PIK3C3: variants seen among roughly 807,000 people sequenced by gnomAD.
PIK3C3 encodes phosphatidylinositol 3-kinase catalytic subunit type 3, also known as PI3-kinase type 3.
A neutral mutation model predicts 126.1 loss-of-function variants in PIK3C3; 95 were observed. The ratio of observed to expected loss-of-function variants is 0.75; its 90% CI spans 0.64 to 0.89. PIK3C3 has a LOEUF of 0.89. PIK3C3 is among the 40% of genes least tolerant of loss of function. The pLI, the probability that PIK3C3 is intolerant of heterozygous loss-of-function variation, is 0.00. For synonymous variants in PIK3C3, 374 were observed against 360.0 expected, an observed-to-expected ratio of 1.04 and a Z score of -0.44; for missense variants, 829 against 1,063.2, an observed-to-expected ratio of 0.78 and a Z score of 3.06.
At chr18:42,071,286 G>A (rs373770473) in intron 24 of PIK3C3, among the ~76,000 whole-genome samples, 1 of 151,960 alleles carries the variant, frequency 6.6e-6, no homozygotes, top group East Asian at 1.9e-4. Context: ...ACAGTGTTTG[G>A]GACAATAACA....
At chr18:42,080,058 G>A (rs577714184) in intron 24 of PIK3C3, among the ~76,000 whole-genome samples, 2 of 150,238 alleles carry the variant, frequency 1.3e-5, no homozygotes, top group African/African-American at 4.9e-5. Context: ...TTTGGTCCTC[G>A]GGCATTTTGT....
chr18:41,978,080 T>G (rs1024008205), intron 4 of PIK3C3, among the ~76,000 whole-genome samples: 1 of 152,136 alleles, frequency 6.6e-6, no homozygotes, highest in Non-Finnish European at 1.5e-5. Context: ...TCCCACATCC[T>G]CTGGAGGAGC....
chr18:41,987,379 C>T (rs1981535712), intron 4 of PIK3C3, among the ~76,000 whole-genome samples: 1 of 152,088 alleles, frequency 6.6e-6, no homozygotes, highest in East Asian at 1.9e-4. Flanking sequence ...TATTAATGTG[C>T]AAACCCAGAA....
intron 13 of PIK3C3, among the ~76,000 whole-genome samples, chr18:42,021,925 T>C (rs1467613563): frequency 6.6e-6 from 1 of 152,170 alleles, no homozygotes; most frequent in African/African-American, 2.4e-5. Context: ...GGCTAAGAAA[T>C]GCTGAACCAG....
intron 11 of PIK3C3, among the ~76,000 whole-genome samples, chr18:42,015,050 C>A (rs755965936): frequency 6.6e-6 from 1 of 152,070 alleles, no homozygotes; most frequent in Non-Finnish European, 1.5e-5. Flanking sequence ...TTCCAACTTA[C>A]GGTCTACTAG....
chr18:42,026,260 T>C (rs1055084725), intron 13 of PIK3C3: 2 of 152,198 alleles, frequency 1.3e-5, no homozygotes, highest in Non-Finnish European at 2.9e-5. Context: ...TTGATTGAGA[T>C]TGATGGTTTT....
At chr18:42,035,923 G>T (rs1334144951) in intron 16 of PIK3C3, among the ~76,000 whole-genome samples, 1 of 151,930 alleles carries the variant, frequency 6.6e-6, no homozygotes, top group Non-Finnish European at 1.5e-5. Context: ...ACCCCTTAAG[G>T]CACTGGGATA....
At chr18:42,077,846 A>G (rs1986086881) in intron 24 of PIK3C3, among the ~76,000 whole-genome samples, 1 of 152,220 alleles carries the variant, frequency 6.6e-6, no homozygotes, top group Admixed American at 6.5e-5. Context: ...CATCAGAGGA[A>G]TTACTATCTG....
At chr18:42,029,465 G>A (rs766244236) in intron 15 of PIK3C3, 24 bp downstream of exon 15, 2 of 1,200,340 alleles carry the variant, frequency 1.7e-6, no homozygotes, top group Middle Eastern at 2.2e-4. Flanking sequence ...GTATGCTTTT[G>A]TTCCTAATAG....
chr18:42,008,912 C>G (rs1232612528), intron 10 of PIK3C3, among the ~76,000 whole-genome samples: 1 of 152,072 alleles, frequency 6.6e-6, no homozygotes. Flanking sequence ...CTGAATTTCC[C>G]CTTCCTGGGG....
chr18:42,016,208 T>G (rs1983068030), intron 12 of PIK3C3, among the ~76,000 whole-genome samples: 1 of 152,154 alleles, frequency 6.6e-6, no homozygotes, highest in Non-Finnish European at 1.5e-5. Context: ...TAGTCAGATT[T>G]TAGGAGTAAT....
chr18:42,029,545 T>A (rs1983732009), intron 15 of PIK3C3, 104 bp downstream of exon 15: 1 of 622,368 alleles, frequency 1.6e-6, no homozygotes, highest in Non-Finnish European at 2.8e-6. Context: ...TTTTTTTTTT[T>A]TTTTTTTTTT....
intron 12 of PIK3C3, among the ~76,000 whole-genome samples, chr18:42,019,626 G>A (rs953788698): frequency 4.6e-5 from 7 of 151,918 alleles, no homozygotes; most frequent in African/African-American, 1.7e-4. Flanking sequence ...ATATCTTAAT[G>A]TTCCTCAGGG....
At chr18:42,076,133 T>TATATATATGTATGCTC (rs1555643385) in intron 24 of PIK3C3, among the ~76,000 whole-genome samples, 1 of 91,856 alleles carries the variant, frequency 1.1e-5, no homozygotes, top group African/African-American at 6.4e-5. Context: ...CGCATATATA[T>TATATATATGTATGCTC]ATATATATAT....
chr18:41,969,158 G>T (rs752670865), intron 3 of PIK3C3, among the ~76,000 whole-genome samples: 5 of 151,514 alleles, frequency 3.3e-5, no homozygotes, highest in Non-Finnish European at 7.4e-5. Flanking sequence ...ATGTGAAAAT[G>T]TATGAAATGC....
intron 4 of PIK3C3, among the ~76,000 whole-genome samples, chr18:41,982,299 A>C (rs992256155): frequency 6.6e-6 from 1 of 152,172 alleles, no homozygotes; most frequent in East Asian, 1.9e-4. Flanking sequence ...TGTATATAGT[A>C]GTACCAGACA....
rs188033674 is a variant in PIK3C3 at position 41,957,788 on chromosome 18, A to G, written c.257+30A>G. On this transcript the variant is annotated intron_variant, in intron 2 of 24. Transcript: ENST00000262039. ...GTTTTTTTGTGGCATATGGTATGTT[A>G]CAGACTGTTCTTACCTTTCTTTATG... The G allele has an allele frequency of 3.8e-4, 587 of 1,546,272 alleles. 2 individuals are homozygous for G. The African/African-American group carries it at 6.8e-3, about 18-fold the overall frequency.
At chr18:42,044,078 G>A (rs922219212) in intron 20 of PIK3C3, among the ~76,000 whole-genome samples, 2 of 152,160 alleles carry the variant, frequency 1.3e-5, no homozygotes, top group Non-Finnish European at 2.9e-5. Context: ...CTTCCTGGAA[G>A]CTGTTAATTT....
intron 20 of PIK3C3, among the ~76,000 whole-genome samples, chr18:42,044,277 A>G (rs1001083103): frequency 2.0e-5 from 3 of 152,176 alleles, no homozygotes; most frequent in Admixed American, 1.3e-4. Flanking sequence ...AAGCAGTAGT[A>G]GTATTTCCTA....
Sources: allele counts gnomAD v4.1 joint callset (sites outside exome capture counted in the v4.1 genomes callset), GRCh38; gene constraint gnomAD v4.1.1; transcripts MANE v1.5; gene names NCBI Gene and HGNC (gene_info 2026-07-23, HGNC 2026-07-21).